NTM: variants seen among roughly 807,000 people sequenced by gnomAD.
NTM encodes the protein IgLON family member 2.
In NTM, 13 loss-of-function variants were observed where a neutral mutation model predicts 42.1. The ratio of observed to expected loss-of-function variants is 0.31; its 90% confidence interval spans 0.20 to 0.49. NTM has a LOEUF of 0.49. Among genes scored for constraint, NTM ranks in the 20% least tolerant of loss-of-function variants. The pLI is 0.99. For synonymous variants in NTM, 187 were observed against 179.2 expected (o/e 1.04, Z -0.35); for missense variants, 373 against 452.8 (o/e 0.82, Z 1.60).
intron 2 of NTM, among the ~76,000 whole-genome samples, chr11:132,044,104 GTGTGTA>G (rs201142379): frequency 0.064 from 9,574 of 150,654 alleles, 359 homozygotes; most frequent in South Asian, 0.17. Context: ...GTATGTATAT[GTGTGTA>G]TGTGTATGTG....
intron 1 of NTM, among the ~76,000 whole-genome samples, chr11:131,734,152 G>A (rs751457170): frequency 6.6e-6 from 1 of 152,122 alleles, no homozygotes; most frequent in African/African-American, 2.4e-5. Context: ...GGACAAGTCT[G>A]TGTCAATAGC....
At chr11:132,212,250 C>T (rs906405132) in intron 4 of NTM, 103 bp downstream of exon 4, 24 of 896,280 alleles carry the variant, frequency 2.7e-5, no homozygotes, top group Middle Eastern at 2.3e-4. Context: ...GAGGAGTCTA[C>T]GTTTTTGGTG....
chr11:131,756,310 G>A (rs957797555), intron 1 of NTM, among the ~76,000 whole-genome samples: 15 of 152,298 alleles, frequency 9.8e-5, no homozygotes, highest in Non-Finnish European at 2.2e-4. Context: ...TGCAGGCGGG[G>A]CGTGGTGACA....
intron 1 of NTM, among the ~76,000 whole-genome samples, chr11:131,860,436 C>G (rs897859054): frequency 6.6e-6 from 1 of 152,180 alleles, no homozygotes; most frequent in Non-Finnish European, 1.5e-5. Flanking sequence ...AAAAATGCAG[C>G]AAAACATGTG....
At position 132,207,674 on chromosome 11, in the gene NTM, T is replaced by A. The variant is rs542307128; in HGVS notation, c.401-4348T>A. ...AAAGTAGACTTCTTCCATTAACAGTTGTGCCTGGCCACAAAATGTCTTACT... is the reference window on the plus strand; with the variant it reads ...AAAGTAGACTTCTTCCATTAACAGTAGTGCCTGGCCACAAAATGTCTTACT... On this transcript the variant is annotated intron_variant, in intron 3 of 8. Coordinates refer to ENST00000683400, the MANE Select transcript of NTM (RefSeq NM_001352005.2). Among the ~76,000 whole-genome samples the A allele has an allele frequency of 2.6e-5, 4 of 152,166 alleles. No homozygotes were observed. The South Asian group carries it at 8.3e-4, about 32-fold the overall frequency.
At chr11:132,041,251 GAGAGAGAA>G (rs2077161881) in intron 2 of NTM, among the ~76,000 whole-genome samples, 1 of 151,508 alleles carries the variant, frequency 6.6e-6, no homozygotes, top group Non-Finnish European at 1.5e-5. Flanking sequence ...GAGAGAGAGA[GAGAGAGAA>G]AGTGAGAAGT....
intron 1 of NTM, among the ~76,000 whole-genome samples, chr11:131,407,484 T>G (rs1945922799): frequency 6.6e-6 from 1 of 152,104 alleles, no homozygotes; most frequent in South Asian, 2.1e-4. Flanking sequence ...AGGTGGGACA[T>G]GCAGAACATA....
At chr11:132,165,062 C>T (rs780439912) in intron 3 of NTM, among the ~76,000 whole-genome samples, 3 of 152,172 alleles carry the variant, frequency 2.0e-5, no homozygotes, top group African/African-American at 2.4e-5. Context: ...CAGTGACCCA[C>T]CCAGGCCTGG....
chr11:131,478,470 G>C (rs1259478496), intron 1 of NTM, among the ~76,000 whole-genome samples: 1 of 152,090 alleles, frequency 6.6e-6, no homozygotes, highest in Non-Finnish European at 1.5e-5. Flanking sequence ...CATTCAGCCA[G>C]CTTTATCTGC....
intron 1 of NTM, among the ~76,000 whole-genome samples, chr11:131,490,779 C>T (rs563843764): frequency 2.6e-4 from 39 of 152,342 alleles, no homozygotes; most frequent in African/African-American, 9.1e-4. Context: ...TAACATTCAT[C>T]ATATTGCAGG....
rs73593383 is a variant in NTM, at chr11:132,145,736, T to C, written c.168-546T>C. On this transcript the variant is annotated intron_variant, in intron 2 of 8. Coordinates refer to ENST00000683400, the MANE Select transcript of NTM (RefSeq NM_001352005.2). ...GACTGCAGAAGCCTTCTGTGGGAAT[T>C]TGCTATTCTGAGATGAGAGGAATGA... Among the ~76,000 whole-genome samples, 1,328 of 152,268 alleles carry C rather than the reference T, an allele frequency of 8.7e-3. 13 individuals are homozygous for C. Among genetic ancestry groups the C allele is most frequent in the African/African-American group, 0.03 (1,261 of 41,546 alleles).
chr11:132,038,513 C>T (rs1238177375), intron 2 of NTM, among the ~76,000 whole-genome samples: 3 of 152,002 alleles, frequency 2.0e-5, no homozygotes, highest in Non-Finnish European at 4.4e-5. Flanking sequence ...GGCTCAGTTT[C>T]CCTGACTGTA....
At chr11:131,727,326 G>A (rs2079085609) in intron 1 of NTM, among the ~76,000 whole-genome samples, 1 of 152,080 alleles carries the variant, frequency 6.6e-6, no homozygotes, top group Non-Finnish European at 1.5e-5. Context: ...TTAAAAGTGG[G>A]GGACAAAAGG....
chr11:131,759,032 G>A (rs1318932910), intron 1 of NTM, among the ~76,000 whole-genome samples: 1 of 152,152 alleles, frequency 6.6e-6, no homozygotes, highest in Non-Finnish European at 1.5e-5. Flanking sequence ...TGAGAAGTTT[G>A]GTCTAGAGTC....
At chr11:131,737,838 G>T (rs756472628) in intron 1 of NTM, among the ~76,000 whole-genome samples, 2 of 152,096 alleles carry the variant, frequency 1.3e-5, no homozygotes, top group Non-Finnish European at 2.9e-5. Context: ...CCCAGTACAA[G>T]GTTGACACCG....
intron 3 of NTM, among the ~76,000 whole-genome samples, chr11:132,156,370 G>A (rs532229286): frequency 2.6e-4 from 40 of 152,170 alleles, no homozygotes; most frequent in Non-Finnish European, 1.8e-4. Flanking sequence ...TCACCCAGTC[G>A]GTCCTATTTA....
At chr11:132,059,060 T>C (rs551639157) in intron 2 of NTM, among the ~76,000 whole-genome samples, 1 of 152,316 alleles carries the variant, frequency 6.6e-6, no homozygotes, top group South Asian at 2.1e-4. Flanking sequence ...AAAAAACCAA[T>C]ATAGACAGAA....
intron 1 of NTM, among the ~76,000 whole-genome samples, chr11:131,793,735 G>T (rs1161461353): frequency 6.6e-6 from 1 of 152,112 alleles, no homozygotes; most frequent in African/African-American, 2.4e-5. Flanking sequence ...ATGGGGATCG[G>T]CATGCTAGTT....
chr11:132,181,955 T>TTGTTTATTATTATTA (rs59282682), intron 3 of NTM, among the ~76,000 whole-genome samples: 2 of 141,018 alleles, frequency 1.4e-5, no homozygotes, highest in African/African-American at 5.2e-5. Context: ...CACTATCTAG[T>TTGTTTATTATTATTA]TTATTATTAT....
Sources: gnomAD v4.1 joint callset for allele counts (sites outside exome capture counted in the v4.1 genomes callset) on GRCh38, gnomAD v4.1.1 for gene constraint, MANE v1.5 for transcripts, NCBI Gene and HGNC (gene_info 2026-07-23, HGNC 2026-07-21) for gene names.